ZDHHC13: variants seen among roughly 807,000 people sequenced by gnomAD.
The protein encoded by ZDHHC13 is palmitoyltransferase ZDHHC13.
ZDHHC13 carries 85 observed loss-of-function variants against 86.0 expected under a neutral mutation model. The observed-to-expected ratio is 0.99, with a 90% CI of 0.83 to 1.18. The LOEUF (loss-of-function observed/expected upper bound fraction) is 1.18, where lower values mean the gene tolerates loss of function less well. ZDHHC13 is among the 50% of genes most tolerant of loss of function. The pLI, the probability that ZDHHC13 is intolerant of heterozygous loss-of-function variation, is 0.00. For missense variants in ZDHHC13, 711 were observed against 730.2 expected (o/e 0.97, Z 0.30); for synonymous variants, 263 against 246.4 (o/e 1.07, Z -0.63).
chr11:19,162,742 A>T (rs1849946427), intron 10 of ZDHHC13, among the ~76,000 whole-genome samples: 1 of 152,104 alleles, frequency 6.6e-6, no homozygotes, highest in African/African-American at 2.4e-5. Context: ...GCATTATGAA[A>T]CTGAACGTAT....
intron 1 of ZDHHC13, among the ~76,000 whole-genome samples, chr11:19,130,044 C>T (rs7945521): frequency 6.6e-6 from 1 of 151,898 alleles, no homozygotes; most frequent in Non-Finnish European, 1.5e-5. Context: ...GCCGAGATCA[C>T]GCCACTGCAC....
chr11:19,150,047 C>G lies in ZDHHC13; in HGVS notation c.520-680C>G, dbSNP rs1849568055. Among the ~76,000 whole-genome samples the G allele has an allele frequency of 2.0e-5, 3 of 152,184 alleles. No homozygotes were observed. The South Asian group carries it at 6.2e-4, about 32-fold the overall frequency. On this transcript the variant is annotated intron_variant, in intron 5 of 16. Transcript: ENST00000446113. Reference sequence around the variant, plus strand: ...ATAAATATATGAGGAAGAGTCCTGTCTGCTTCTCTTTGGGTGCCTTCCCAA... The same window carrying G: ...ATAAATATATGAGGAAGAGTCCTGTGTGCTTCTCTTTGGGTGCCTTCCCAA...
intron 2 of ZDHHC13, among the ~76,000 whole-genome samples, chr11:19,143,604 G>C (rs551413043): frequency 1.6e-4 from 24 of 152,270 alleles, no homozygotes; most frequent in African/African-American, 5.5e-4. Context: ...TGCTTGTTGT[G>C]CTGGACTAAC....
At chr11:19,164,895 A>C in intron 12 of ZDHHC13, 157 bp from the exon 13 acceptor site, 1 of 616,800 alleles carries the variant, frequency 1.6e-6, no homozygotes, top group Non-Finnish European at 2.9e-6. Flanking sequence ...TATGGAAGTA[A>C]ATACTAATAA....
chr11:19,175,761 T>C (rs894163066), intron 16 of ZDHHC13, 61 bp from the exon 17 acceptor site: 2 of 1,578,808 alleles, frequency 1.3e-6, no homozygotes, highest in Admixed American at 3.6e-5. Context: ...TCTCCATAAA[T>C]GTTTGTCAAG....
At chr11:19,143,468 T>C (rs1849377984) in intron 2 of ZDHHC13, among the ~76,000 whole-genome samples, 1 of 152,236 alleles carries the variant, frequency 6.6e-6, no homozygotes, top group African/African-American at 2.4e-5. Flanking sequence ...AAACTCTTTA[T>C]TTGAAACACA....
rs543545180 is a variant in ZDHHC13 at position 19,135,246 on chromosome 11, G to A, written c.28-7732G>A. 7.1e-3 allele frequency among the ~76,000 whole-genome samples: 1,079 copies of A among 152,314 alleles called. 11 individuals carry two copies. Among genetic ancestry groups the A allele is most frequent in the African/African-American group, 0.024 (1,013 of 41,572 alleles). ...TGTGCGAGCCGAAGCAGGGCGAGGCGTTGCCTCACTTGGGAAGCACAAGGG... is the reference window on the plus strand; with the variant it reads ...TGTGCGAGCCGAAGCAGGGCGAGGCATTGCCTCACTTGGGAAGCACAAGGG... On this transcript the variant is annotated intron_variant, in intron 1 of 16. Transcript: ENST00000446113.
intron 15 of ZDHHC13, among the ~76,000 whole-genome samples, chr11:19,172,141 C>G (rs995639965): frequency 6.6e-6 from 1 of 152,112 alleles, no homozygotes. Context: ...GGCGGGATCT[C>G]GGCTCACTGC....
At chr11:19,138,451 C>G (rs1354784641) in intron 1 of ZDHHC13, among the ~76,000 whole-genome samples, 2 of 150,420 alleles carry the variant, frequency 1.3e-5, no homozygotes, top group Non-Finnish European at 3.0e-5. Flanking sequence ...AGTCCAGGAC[C>G]AGATGGATTC....
chr11:19,149,144 T>C lies in ZDHHC13; in HGVS notation c.375-43T>C. 2.8e-6 allele frequency: 4 copies of C among 1,422,264 alleles called. No homozygotes were observed. The South Asian group carries it at 6.5e-5, about 23-fold the overall frequency. The allele number at this position is 1,422,264 out of a possible 1,614,324, so 88.1% of individuals were successfully genotyped here. A position where few individuals can be genotyped will look rare whatever the true frequency, so the allele number is the denominator to read the frequency against. On this transcript the variant is annotated intron_variant, in intron 4 of 16. Coordinates refer to ENST00000446113, the MANE Select transcript of ZDHHC13 (RefSeq NM_019028.3). ...ATCAGTCTCTCCCTGACTTTTTGCT[T>C]TTTCTGCATGCTACAGAATGGCTTT...
At chr11:19,142,530 A>T (rs1300265394) in intron 1 of ZDHHC13, among the ~76,000 whole-genome samples, 2 of 152,024 alleles carry the variant, frequency 1.3e-5, no homozygotes. Context: ...GTCCACCACA[A>T]CTCCAAAAAG....
chr11:19,118,150 T>C (rs1848687042), intron 1 of ZDHHC13, among the ~76,000 whole-genome samples: 1 of 152,212 alleles, frequency 6.6e-6, no homozygotes. Context: ...GAAGCATCCT[T>C]AAGAAGATAT....
intron 1 of ZDHHC13, among the ~76,000 whole-genome samples, chr11:19,142,692 T>C (rs1216860487): frequency 6.6e-6 from 1 of 152,098 alleles, no homozygotes; most frequent in African/African-American, 2.4e-5. Context: ...TCTTTTCTAC[T>C]GAACAGAATT....
At position 19,144,653 on chromosome 11, in the gene ZDHHC13, G is replaced by A. The variant is rs183101049; in HGVS notation, c.174-1528G>A. ...GACACACACACGCACACACACACGC[G>A]TGTATTTTGGTAAGGCAGAAATTAT... is the stretch of plus-strand genomic sequence containing the variant. On this transcript the variant is annotated intron_variant, in intron 2 of 16. Coordinates refer to ENST00000446113, the MANE Select transcript of ZDHHC13 (RefSeq NM_019028.3). Among the ~76,000 whole-genome samples, 1,042 of 152,202 alleles carry A rather than the reference G, an allele frequency of 6.8e-3. 8 individuals are homozygous for A. Among genetic ancestry groups the A allele is most frequent in the African/African-American group, 0.024 (983 of 41,524 alleles).
intron 4 of ZDHHC13, 56 bp downstream of exon 4, chr11:19,147,729 T>A: frequency 7.5e-7 from 1 of 1,335,790 alleles, no homozygotes; most frequent in Non-Finnish European, 1.0e-6. Context: ...GTGGTCACCA[T>A]ATAAAAAATC....
intron 14 of ZDHHC13, chr11:19,168,944 A>AT (rs1385344637): frequency 1.0e-6 from 1 of 985,070 alleles, no homozygotes; most frequent in East Asian, 1.1e-4. Flanking sequence ...CCATCTAAAG[A>AT]TGAAAACGTT....
chr11:19,164,229 G>C lies in ZDHHC13; in HGVS notation c.1234-72G>C, dbSNP rs1167765308. ...CTTCAGTTTGGAGCGAGAACTGTGA[G>C]AATGGTGTATAACCATGCATAATAC... On this transcript the variant is annotated intron_variant, in intron 11 of 16. Transcript: ENST00000446113. 11 of 1,474,000 alleles carry C rather than the reference G, an allele frequency of 7.5e-6. No homozygotes were observed. The African/African-American group carries it at 1.1e-4, about 15-fold the overall frequency. 91.3% of individuals were successfully genotyped at this position (1,474,000 alleles called of 1,614,324 possible).
chr11:19,136,942 A>G (rs1374625652), intron 1 of ZDHHC13, among the ~76,000 whole-genome samples: 1 of 152,198 alleles, frequency 6.6e-6, no homozygotes, highest in Non-Finnish European at 1.5e-5. Context: ...GGAACAACAG[A>G]TACCAGCCGC....
intron 2 of ZDHHC13, among the ~76,000 whole-genome samples, chr11:19,145,334 A>G (rs1360993679): frequency 1.3e-5 from 2 of 152,142 alleles, no homozygotes; most frequent in African/African-American, 4.8e-5. Context: ...TATTGCAATA[A>G]TCTCTAAATT....
Sources: gnomAD v4.1 joint callset for allele counts (sites outside exome capture counted in the v4.1 genomes callset) on GRCh38, gnomAD v4.1.1 for gene constraint, MANE v1.5 for transcripts, NCBI Gene and HGNC (gene_info 2026-07-23, HGNC 2026-07-21) for gene names.